Variants in DNAH8 observed in about 807,000 individuals in gnomAD.
DNAH8 encodes the protein axonemal beta dynein heavy chain 8.
In DNAH8, 382 loss-of-function variants were observed where a neutral mutation model predicts 562.1. The ratio of observed to expected loss-of-function variants is 0.68; its 90% CI spans 0.63 to 0.74. DNAH8 has a LOEUF of 0.74. Ranked by LOEUF, DNAH8 falls within the 30% of genes least tolerant of loss-of-function variation. The pLI, the probability that DNAH8 is intolerant of heterozygous loss-of-function variation, is 0.00. For missense variants in DNAH8, 5,203 were observed against 5,620.4 expected (o/e 0.93, Z 2.37); for synonymous variants, 1,881 against 1,919.4 (o/e 0.98, Z 0.52).
intron 82 of DNAH8, among the ~76,000 whole-genome samples, chr6:38,965,256 A>C (rs912817192): frequency 3.3e-5 from 5 of 152,076 alleles, no homozygotes; most frequent in Non-Finnish European, 7.4e-5. Context: ...ACTGCAGCTA[A>C]GATATAAATA....
chr6:38,891,199 A>T (rs1003920942), intron 58 of DNAH8, among the ~76,000 whole-genome samples: 8 of 152,192 alleles, frequency 5.3e-5, no homozygotes, highest in Non-Finnish European at 1.0e-4. Flanking sequence ...TCTGAGCAGG[A>T]GCGTGAGTTA....
intron 1 of DNAH8, among the ~76,000 whole-genome samples, chr6:38,720,033 G>A (rs1582815474): frequency 6.6e-6 from 1 of 152,124 alleles, no homozygotes; most frequent in East Asian, 1.9e-4. Context: ...CCTCTAAGCA[G>A]ATGGTAAGAG....
intron 91 of DNAH8, among the ~76,000 whole-genome samples, chr6:39,020,572 T>G (rs1354154246): frequency 1.3e-5 from 2 of 152,230 alleles, no homozygotes; most frequent in African/African-American, 4.8e-5. Flanking sequence ...ACGTGCAGGT[T>G]TGTTACATAA....
At chr6:38,772,996 T>TTTTTTGTTGTTG (rs1554205957) in intron 12 of DNAH8, among the ~76,000 whole-genome samples, 1 of 109,942 alleles carries the variant, frequency 9.1e-6, no homozygotes, top group African/African-American at 3.6e-5. Context: ...TTTTTTTTTT[T>TTTTTTGTTGTTG]TTGTAGAGAT....
chr6:38,948,668 A>C (rs571718092), intron 80 of DNAH8, among the ~76,000 whole-genome samples: 34 of 152,288 alleles, frequency 2.2e-4, no homozygotes, highest in African/African-American at 7.5e-4. Flanking sequence ...ACACCGTCTA[A>C]ATAACCCAGC....
At chr6:38,876,289 A>G (rs993915184) in intron 53 of DNAH8, among the ~76,000 whole-genome samples, 13 of 152,268 alleles carry the variant, frequency 8.5e-5, no homozygotes, top group African/African-American at 2.9e-4. Context: ...CCTTCCATGT[A>G]TGGCCGGGCC....
chr6:38,761,211 T>G (rs1375311118), intron 10 of DNAH8, among the ~76,000 whole-genome samples: 1 of 149,652 alleles, frequency 6.7e-6, no homozygotes, highest in Non-Finnish European at 1.5e-5. Context: ...CTGCACCCAT[T>G]AACTCGTCAT....
intron 62 of DNAH8, among the ~76,000 whole-genome samples, chr6:38,902,551 C>T (rs1780147681): frequency 6.6e-6 from 1 of 152,304 alleles, no homozygotes; most frequent in East Asian, 1.9e-4. Flanking sequence ...CCTTTTGCCT[C>T]CTGATTGACT....
chr6:38,723,590 T>C, intron 3 of DNAH8, 119 bp downstream of exon 3: 1 of 1,326,628 alleles, frequency 7.5e-7, no homozygotes, highest in South Asian at 1.5e-5. Flanking sequence ...AAGACAAAGT[T>C]GGGGCAGGGC....
intron 3 of DNAH8, among the ~76,000 whole-genome samples, chr6:38,729,095 C>T (rs1763459287): frequency 6.6e-6 from 1 of 152,086 alleles, no homozygotes; most frequent in Admixed American, 6.6e-5. Flanking sequence ...CTCAGCTACT[C>T]GGGAGACTGA....
chr6:38,855,505 CT>C (rs568967153), intron 41 of DNAH8, among the ~76,000 whole-genome samples: 3 of 151,898 alleles, frequency 2.0e-5, no homozygotes, highest in Non-Finnish European at 2.9e-5. Flanking sequence ...CTCCTTTGTT[CT>C]TTTTTTAAAT....
intron 82 of DNAH8, 66 bp from the exon 83 acceptor site, chr6:38,971,526 A>T: frequency 9.6e-7 from 1 of 1,046,100 alleles, no homozygotes; most frequent in Non-Finnish European, 1.3e-6. Flanking sequence ...TCAGAAATTA[A>T]TTTTTCATTC....
At chr6:39,016,780 C>A (rs1161023829) in intron 91 of DNAH8, among the ~76,000 whole-genome samples, 1 of 152,002 alleles carries the variant, frequency 6.6e-6, no homozygotes, top group African/African-American at 2.4e-5. Flanking sequence ...CCTCATTGAC[C>A]CTCTGGTGAC....
At chr6:38,993,084 A>G (rs1334973519) in intron 88 of DNAH8, among the ~76,000 whole-genome samples, 3 of 152,194 alleles carry the variant, frequency 2.0e-5, no homozygotes, top group East Asian at 3.8e-4. Context: ...TAAAAACATC[A>G]TGAGTTAATA....
intron 21 of DNAH8, among the ~76,000 whole-genome samples, chr6:38,793,023 C>T (rs1769903691): frequency 6.6e-6 from 1 of 152,044 alleles, no homozygotes; most frequent in Non-Finnish European, 1.5e-5. Context: ...CTCAAGCGAT[C>T]CACCCACTTT....
Position 38,860,496 on chromosome 6 carries a change from C to A in DNAH8, c.5998C>A (p.Leu2000Ile). The A allele has an allele frequency of 1.3e-6, 2 of 1,491,906 alleles. No homozygotes were observed. Among genetic ancestry groups the A allele is most frequent in the African/African-American group, 1.4e-5 (1 of 69,306 alleles). 92.4% of individuals were successfully genotyped at this position (1,491,906 alleles called of 1,614,324 possible). A position where few individuals can be genotyped will look rare whatever the true frequency, so the allele number is the denominator to read the frequency against. The change falls in exon 43 of 93, where the codon CTA becomes ATA. Residue 2000 changes from leucine to isoleucine, a missense_variant. Physicochemically the swap from Leu to Ile is conservative, Grantham distance 5. Coordinates refer to ENST00000327475, the MANE Select transcript of DNAH8 (RefSeq NM_001206927.2). ...HIKSPTDFEWLKQSRFYFKED... is the reference protein window; with the variant it reads ...HIKSPTDFEWIKQSRFYFKED... Reference sequence around the variant, plus strand: ...CAAATCACCTACTGACTTTGAATGGCTAAAACAGAGTAGATTTTATTTTAA... The same window carrying A: ...CAAATCACCTACTGACTTTGAATGGATAAAACAGAGTAGATTTTATTTTAA...
chr6:38,731,807 C>T (rs539377012), intron 4 of DNAH8, among the ~76,000 whole-genome samples: 2 of 152,104 alleles, frequency 1.3e-5, no homozygotes, highest in Non-Finnish European at 2.9e-5. Flanking sequence ...CTCCGCCTCC[C>T]GGGTTCAAGT....
In DNAH8 at chr6:39,012,333, A is replaced by C; in HGVS notation, c.13490A>C (p.Lys4497Thr). 1.2e-6 allele frequency: 2 copies of C among 1,613,280 alleles called. No homozygotes were observed. Among genetic ancestry groups the C allele is most frequent in the Non-Finnish European group, 1.7e-6 (2 of 1,179,372 alleles). Reference sequence around the variant, plus strand: ...CTCCGCAGTAGCCTGAGTGATCTAAAATTGGCCATTGAAGGAACAATCATT... The same window carrying C: ...CTCCGCAGTAGCCTGAGTGATCTAACATTGGCCATTGAAGGAACAATCATT... ...SILRSSLSDL[K>T]LAIEGTIIMS... The change falls in exon 90 of 93, where the codon AAA becomes ACA. Residue 4497 changes from lysine to threonine, a missense_variant. By Grantham distance (78) the Lys-to-Thr change is moderately conservative. Transcript: ENST00000327475.
intron 21 of DNAH8, among the ~76,000 whole-genome samples, chr6:38,801,839 A>G (rs780996624): frequency 7.2e-5 from 11 of 152,234 alleles, no homozygotes; most frequent in African/African-American, 2.7e-4. Flanking sequence ...GGGGCAAAAC[A>G]TGGGGAATAT....
Sources: allele counts gnomAD v4.1 joint callset (sites outside exome capture counted in the v4.1 genomes callset), GRCh38; gene constraint gnomAD v4.1.1; transcripts MANE v1.5; gene names NCBI Gene and HGNC (gene_info 2026-07-23, HGNC 2026-07-21).